EXOSC1: variants seen among roughly 807,000 people sequenced by gnomAD.
EXOSC1 encodes the protein exosome component 1.
EXOSC1 carries 27 observed loss-of-function variants against 31.4 expected under a neutral mutation model. That is an observed-to-expected ratio of 0.86 (90% CI 0.63 to 1.18). The LOEUF (loss-of-function observed/expected upper bound fraction) is 1.18, where lower values mean the gene tolerates loss of function less well. EXOSC1 is among the 50% of genes most tolerant of loss of function. The pLI is 0.00. For synonymous variants in EXOSC1, 84 were observed against 89.5 expected, an observed-to-expected ratio of 0.94 and a Z score of 0.35; for missense variants, 228 against 250.3, an observed-to-expected ratio of 0.91 and a Z score of 0.60.
intron 4 of EXOSC1, among the ~76,000 whole-genome samples, chr10:97,439,424 G>A (rs1442338115): frequency 6.6e-6 from 1 of 152,104 alleles, no homozygotes; most frequent in Admixed American, 6.5e-5. Context: ...AGATCGAAGT[G>A]GGCATTAGAT....
In EXOSC1 at chr10:97,445,834, A is replaced by G. The variant is rs1479598759; in HGVS notation, c.45T>C (p.Cys15=). Reference sequence around the variant, plus strand: ...TGCCCGGGCTGCCCTCCTCCAAGTTACACAGACGTTCGCCTGCAGAAAAAA... The same window carrying G: ...TGCCCGGGCTGCCCTCCTCCAAGTTGCACAGACGTTCGCCTGCAGAAAAAA... ...VRYCIPGERL[C]NLEEGSPGSG... is the part of the protein sequence containing the mutation. The change falls in exon 2 of 8, where the codon TGT becomes TGC. Residue 15 remains cysteine (C), a synonymous_variant. Coordinates refer to ENST00000370902, the MANE Select transcript of EXOSC1 (RefSeq NM_016046.5). 1 of 1,613,990 alleles carries G rather than the reference A, an allele frequency of 6.2e-7. No homozygotes were observed. The highest frequency in any genetic ancestry group is 2.2e-5 in the East Asian group (1 of 44,872).
In EXOSC1 at chr10:97,436,398, A is replaced by T. The variant is rs1398847359; in HGVS notation, c.*47T>A. 1.5e-6 allele frequency: 2 copies of T among 1,371,174 alleles called. No individual in the cohort carries two copies. Among genetic ancestry groups the T allele is most frequent in the African/African-American group, 2.9e-5 (2 of 69,756 alleles). The allele number at this position is 1,371,174 out of a possible 1,614,324, so 84.9% of individuals were successfully genotyped here. ...ATAAAGACAGCAGCATCTTGGTGTTATACTCAGGAACAGCTTACCCCCTTC... is the reference window on the plus strand; with the variant it reads ...ATAAAGACAGCAGCATCTTGGTGTTTTACTCAGGAACAGCTTACCCCCTTC... On this transcript the variant is annotated 3_prime_UTR_variant, in exon 8 of 8. Transcript: ENST00000370902.
In EXOSC1 at chr10:97,445,771, C is replaced by T. The variant is rs1259835641; in HGVS notation, c.108G>A (p.Ser36=). The change falls in exon 2 of 8, where the codon TCG becomes TCA. Residue 36 remains serine (S), a synonymous_variant. Transcript: ENST00000370902. Reference sequence around the variant, plus strand: ...TGCTCTTCATCAGACAGCCGGCAAGCGACGAAAAGATGTAGCCGTGGCGGG... The same window carrying T: ...TGCTCTTCATCAGACAGCCGGCAAGTGACGAAAAGATGTAGCCGTGGCGGG... ...TYTRHGYIFS[S]LAGCLMKSSE... is the part of the protein sequence containing the mutation. 1 of 1,613,846 alleles carries T rather than the reference C, an allele frequency of 6.2e-7. No homozygotes were observed. The highest frequency in any genetic ancestry group is 8.5e-7 in the Non-Finnish European group (1 of 1,179,782).
intron 5 of EXOSC1, 73 bp downstream of exon 5, chr10:97,438,597 G>C: frequency 7.1e-7 from 1 of 1,403,298 alleles, no homozygotes; most frequent in Non-Finnish European, 1.0e-6. Context: ...GTGTGACCAT[G>C]CCTGGCCTGA....
chr10:97,437,148 T>C (rs762299720), intron 7 of EXOSC1, 43 bp downstream of exon 7: 2 of 1,541,112 alleles, frequency 1.3e-6, no homozygotes, highest in South Asian at 1.1e-5. Context: ...TCCCAAACCA[T>C]AGATCCAGGG....
At chr10:97,443,615 C>T (rs1395239984) in intron 2 of EXOSC1, among the ~76,000 whole-genome samples, 2 of 151,984 alleles carry the variant, frequency 1.3e-5, no homozygotes, top group South Asian at 2.1e-4. Context: ...GTCCACTTCC[C>T]GGGTTCACGC....
chr10:97,437,800 T>C (rs1179971738), intron 5 of EXOSC1, 50 bp from the exon 6 acceptor site: 12 of 1,495,804 alleles, frequency 8.0e-6, no homozygotes, highest in Admixed American at 1.7e-5. Context: ...ACTGGGTCTA[T>C]ATGAAACTGT....
chr10:97,437,755 A>G lies in EXOSC1; in HGVS notation c.346-5T>C, dbSNP rs757740496. 3 of 1,612,496 alleles carry G rather than the reference A, an allele frequency of 1.9e-6. No individual in the cohort carries two copies. The highest frequency in any genetic ancestry group is 1.7e-6 in the Non-Finnish European group (2 of 1,178,776). On this transcript the variant is annotated splice_polypyrimidine_tract_variant and splice_region_variant and intron_variant, in intron 5 of 7. Transcript: ENST00000370902. The stretch of plus-strand genomic sequence containing the variant: ...GAAACTCTTATAAATTTCAACCTGT[A>G]AAGAAAGAACAGGAATGTTAAGTGA...
chr10:97,445,564 G>A, intron 2 of EXOSC1, 168 bp downstream of exon 2: 1 of 637,250 alleles, frequency 1.6e-6, no homozygotes, highest in Non-Finnish European at 2.7e-6. Flanking sequence ...CAACTAGTGT[G>A]TGGTGGCTAA....
In EXOSC1 at chr10:97,445,851, C is replaced by A; in HGVS notation, c.32-4G>T. On this transcript the variant is annotated splice_region_variant and splice_polypyrimidine_tract_variant and intron_variant, in intron 1 of 7. Coordinates refer to ENST00000370902, the MANE Select transcript of EXOSC1 (RefSeq NM_016046.5). ...TCCAAGTTACACAGACGTTCGCCTG[C>A]AGAAAAAATGCTGCATCGGTCACGG... 6.2e-7 allele frequency: 1 copy of A among 1,613,790 alleles called. No individual in the cohort carries two copies. Among genetic ancestry groups the A allele is most frequent in the East Asian group, 2.2e-5 (1 of 44,860 alleles).
intron 4 of EXOSC1, chr10:97,440,682 C>T (rs972347766): frequency 3.3e-5 from 5 of 152,522 alleles, no homozygotes; most frequent in African/African-American, 1.2e-4. Flanking sequence ...ACATGTCCGG[C>T]TAGTTTTTGT....
At chr10:97,438,844 T>G in intron 4 of EXOSC1, 141 bp from the exon 5 acceptor site, 1 of 659,002 alleles carries the variant, frequency 1.5e-6, no homozygotes, top group Non-Finnish European at 2.7e-6. Context: ...CTCCGCCTCC[T>G]GGGTTCAAGC....
chr10:97,441,013 T>C, intron 4 of EXOSC1, 158 bp downstream of exon 4: 1 of 562,064 alleles, frequency 1.8e-6, no homozygotes, highest in Non-Finnish European at 3.1e-6. Context: ...ATCCATGTAT[T>C]TTTTGGATAC....
chr10:97,436,566 C>T lies in EXOSC1; in HGVS notation c.482-15G>A. On this transcript the variant is annotated splice_polypyrimidine_tract_variant and intron_variant, in intron 7 of 7. Coordinates refer to ENST00000370902, the MANE Select transcript of EXOSC1 (RefSeq NM_016046.5). ...CATCTGGATACCTGGAAGGGAAAAGCTGGTGGTGGAGCCCAGACCCCAAAG... is the reference window on the plus strand; with the variant it reads ...CATCTGGATACCTGGAAGGGAAAAGTTGGTGGTGGAGCCCAGACCCCAAAG... 6.3e-7 allele frequency: 1 copy of T among 1,582,948 alleles called. No individual in the cohort carries two copies. The highest frequency in any genetic ancestry group is 8.5e-7 in the Non-Finnish European group (1 of 1,170,456).
At position 97,441,240 on chromosome 10, in the gene EXOSC1, C is replaced by T. The variant is rs1472925843; in HGVS notation, c.242G>A (p.Arg81His). Reference protein sequence around the residue: ...VTCKVSSINSRFAKVHILYVG... With the variant: ...VTCKVSSINSHFAKVHILYVG... ...ATACAGGATGTGTACTTTGGCAAAG[C>T]GTGAATTGATGCTAGAGACCTGCGG... The change falls in exon 4 of 8, where the codon CGC (arginine) becomes CAC (histidine). Residue 81 changes from arginine to histidine, a missense_variant. By Grantham distance (29) the Arg-to-His change is conservative (BLOSUM62 0). Coordinates refer to ENST00000370902, the MANE Select transcript of EXOSC1 (RefSeq NM_016046.5). 4.3e-6 allele frequency: 7 copies of T among 1,613,838 alleles called. No individual in the cohort carries two copies. Among genetic ancestry groups the T allele is most frequent in the African/African-American group, 4.0e-5 (3 of 74,868 alleles).
rs755408767 is a variant in EXOSC1 at position 97,441,176 on chromosome 10, A to G, written c.306T>C (p.Thr102=). ...SMPLKNSFRG[T]IRKEDVRATE... The stretch of plus-strand genomic sequence containing the variant: ...GTGAAAAGGATACTTCTTACCGGAT[A>G]GTTCCTCGAAAAGAGTTCTTAAGAG... Residue 102 remains threonine (T), a synonymous_variant, in exon 4 of 8, where the codon ACT becomes ACC. Transcript: ENST00000370902. 38 of 1,613,480 alleles carry G rather than the reference A, an allele frequency of 2.4e-5. No homozygotes were observed. The highest frequency in any genetic ancestry group is 3.2e-5 in the Non-Finnish European group (38 of 1,179,424).
intron 5 of EXOSC1, 96 bp from the exon 6 acceptor site, chr10:97,437,846 C>T: frequency 1.0e-6 from 1 of 989,086 alleles, no homozygotes; most frequent in Non-Finnish European, 1.6e-6. Context: ...CTTTCTAATC[C>T]TGGAGGGTAG....
intron 2 of EXOSC1, chr10:97,445,286 A>AAAGAAGC (rs1390643130): frequency 6.2e-6 from 1 of 161,250 alleles, no homozygotes; most frequent in Non-Finnish European, 1.4e-5. Flanking sequence ...ACCGACACTG[A>AAAGAAGC]AAGAAGCTAG....
rs1221623715 is a variant in EXOSC1, at chr10:97,445,992, C to T, written c.-7G>A. ...ATCTCACAGGTGGCGCCATGATTGC[C>T]GCTGTCCCAAAACCAGGATGAAAAC... On this transcript the variant is annotated 5_prime_UTR_variant, in exon 1 of 8. Transcript: ENST00000370902. 1.9e-6 allele frequency: 3 copies of T among 1,614,254 alleles called. No homozygotes were observed. The highest frequency in any genetic ancestry group is 2.5e-6 in the Non-Finnish European group (3 of 1,180,048).
Sources: allele counts gnomAD v4.1 joint callset (sites outside exome capture counted in the v4.1 genomes callset), GRCh38; gene constraint gnomAD v4.1.1; transcripts MANE v1.5; gene names NCBI Gene and HGNC (gene_info 2026-07-23, HGNC 2026-07-21).